Variants in THUMPD2 observed in about 807,000 individuals in gnomAD.
THUMPD2 encodes THUMP domain 2 tRNA and snRNA guanosine methyltransferase.
Under a neutral mutation model 49.4 loss-of-function variants are expected in THUMPD2, and 56 were observed. The observed-to-expected ratio is 1.13, with a 90% CI of 0.91 to 1.41. The LOEUF (loss-of-function observed/expected upper bound fraction) is 1.41. THUMPD2 is among the 40% of genes most tolerant of loss of function. THUMPD2 has a pLI of 0.00. For missense variants in THUMPD2, 709 were observed against 594.5 expected (o/e 1.19, Z -2.00); for synonymous variants, 237 against 205.2 (o/e 1.15, Z -1.32).
chr2:39,741,509 C>T (rs1217977030), intron 9 of THUMPD2, among the ~76,000 whole-genome samples: 6 of 152,232 alleles, frequency 3.9e-5, no homozygotes, highest in East Asian at 1.9e-4. Flanking sequence ...TTCCTTCAAG[C>T]GGTGCAAGGT....
chr2:39,764,740 C>T (rs890268920), intron 5 of THUMPD2, among the ~76,000 whole-genome samples: 3 of 152,150 alleles, frequency 2.0e-5, no homozygotes, highest in Non-Finnish European at 2.9e-5. Flanking sequence ...TTTCATGTCC[C>T]GGTAAATTGT....
intron 1 of THUMPD2, among the ~76,000 whole-genome samples, chr2:39,773,738 T>G (rs1000116185): frequency 6.6e-6 from 1 of 151,630 alleles, no homozygotes; most frequent in Non-Finnish European, 1.5e-5. Flanking sequence ...ATCATAAGAA[T>G]AGTATATATT....
At chr2:39,761,247 CAT>C (rs1181994720) in intron 6 of THUMPD2, 82 bp downstream of exon 6, 8 of 1,211,572 alleles carry the variant, frequency 6.6e-6, no homozygotes, top group Admixed American at 2.0e-5. Flanking sequence ...AAGCAAGTAA[CAT>C]AAATATCCAT....
chr2:39,739,522 C>G (rs6708232), intron 9 of THUMPD2, among the ~76,000 whole-genome samples: 8,320 of 152,252 alleles, frequency 0.055, 374 homozygotes, highest in African/African-American at 0.12. Flanking sequence ...CAGTCATGAT[C>G]TGACATTATC....
chr2:39,762,529 T>C (rs1431972002), intron 5 of THUMPD2, among the ~76,000 whole-genome samples: 1 of 151,938 alleles, frequency 6.6e-6, no homozygotes, highest in African/African-American at 2.4e-5. Context: ...CCATGGGAGT[T>C]TGGCTTTTTA....
intron 5 of THUMPD2, among the ~76,000 whole-genome samples, chr2:39,762,891 CTATG>C (rs1179471370): frequency 6.6e-6 from 1 of 151,540 alleles, no homozygotes; most frequent in Non-Finnish European, 1.5e-5. Flanking sequence ...GTTTCAAAAA[CTATG>C]TATATATTTC....
At chr2:39,751,407 T>C (rs2148234506) in intron 8 of THUMPD2, among the ~76,000 whole-genome samples, 2 of 152,362 alleles carry the variant, frequency 1.3e-5, no homozygotes, top group East Asian at 3.9e-4. Flanking sequence ...TGTGACCAGC[T>C]ACAGAATGCC....
At chr2:39,737,223 A>C (rs548775453) in intron 9 of THUMPD2, among the ~76,000 whole-genome samples, 164 bp from the exon 10 acceptor site, 1 of 152,234 alleles carries the variant, frequency 6.6e-6, no homozygotes, top group Non-Finnish European at 1.5e-5. Flanking sequence ...ATGTATATTC[A>C]TTATAGTAAT....
chr2:39,762,251 C>T (rs1267276299), intron 5 of THUMPD2, among the ~76,000 whole-genome samples: 2 of 152,130 alleles, frequency 1.3e-5, no homozygotes, highest in Non-Finnish European at 2.9e-5. Flanking sequence ...CCAAAACCAG[C>T]AAAAGAGGTC....
At chr2:39,748,278 T>C (rs1243843946) in intron 8 of THUMPD2, among the ~76,000 whole-genome samples, 1 of 152,196 alleles carries the variant, frequency 6.6e-6, no homozygotes, top group African/African-American at 2.4e-5. Context: ...ACAGAGTAAT[T>C]CTTTGAAGGC....
intron 6 of THUMPD2, among the ~76,000 whole-genome samples, chr2:39,759,468 C>T (rs1676545755): frequency 6.6e-6 from 1 of 151,960 alleles, no homozygotes; most frequent in Admixed American, 6.5e-5. Flanking sequence ...CTACTCTTTT[C>T]ATCTTGCAAA....
At chr2:39,756,160 G>GT (rs1676088543) in intron 6 of THUMPD2, among the ~76,000 whole-genome samples, 200 bp from the exon 7 acceptor site, 3 of 152,080 alleles carry the variant, frequency 2.0e-5, no homozygotes, top group Non-Finnish European at 4.4e-5. Context: ...ACATGCTGAT[G>GT]GGGATGACCC....
intron 8 of THUMPD2, among the ~76,000 whole-genome samples, chr2:39,750,404 G>A (rs1675235103): frequency 6.6e-6 from 1 of 152,170 alleles, no homozygotes; most frequent in Admixed American, 6.5e-5. Context: ...CTTCTTTTGA[G>A]AAGTATCTGC....
intron 1 of THUMPD2, among the ~76,000 whole-genome samples, chr2:39,774,901 C>G (rs1203126876): frequency 3.9e-5 from 6 of 152,124 alleles, no homozygotes; most frequent in Non-Finnish European, 4.4e-5. Flanking sequence ...TGATTAATAA[C>G]AGCTCTATTA....
chr2:39,752,619 A>T (rs1393171785), intron 8 of THUMPD2, among the ~76,000 whole-genome samples: 1 of 152,228 alleles, frequency 6.6e-6, no homozygotes, highest in East Asian at 1.9e-4. Flanking sequence ...CTAGACTGAA[A>T]CTTAATACTA....
At chr2:39,740,475 A>T (rs1446012277) in intron 9 of THUMPD2, among the ~76,000 whole-genome samples, 1 of 152,224 alleles carries the variant, frequency 6.6e-6, no homozygotes, top group African/African-American at 2.4e-5. Context: ...CTAACAGGAC[A>T]GTCACCATTT....
chr2:39,768,957 A>G, intron 3 of THUMPD2: 3 of 1,304,420 alleles, frequency 2.3e-6, no homozygotes, highest in Non-Finnish European at 3.0e-6. Flanking sequence ...ATGGCCTTTA[A>G]CATCACTGAA....
At chr2:39,759,820 C>T (rs371052384) in intron 6 of THUMPD2, among the ~76,000 whole-genome samples, 3 of 152,032 alleles carry the variant, frequency 2.0e-5, no homozygotes, top group East Asian at 3.8e-4. Context: ...GATAGAGATA[C>T]CCAGGATAAC....
intron 8 of THUMPD2, 55 bp from the exon 9 acceptor site, chr2:39,744,533 TAAA>T: frequency 8.7e-7 from 1 of 1,143,100 alleles, no homozygotes; most frequent in Non-Finnish European, 1.2e-6. Context: ...ATTTACAACT[TAAA>T]TAATGAGAAA....
Sources: allele counts gnomAD v4.1 joint callset (sites outside exome capture counted in the v4.1 genomes callset), GRCh38; gene constraint gnomAD v4.1.1; transcripts MANE v1.5; gene names NCBI Gene and HGNC (gene_info 2026-07-23, HGNC 2026-07-21).